Variants in UBR2 observed in about 807,000 individuals in gnomAD.
UBR2 encodes ubiquitin protein ligase E3 component n-recognin 2.
UBR2 carries 92 observed loss-of-function variants against 247.9 expected under a neutral mutation model. The ratio of observed to expected loss-of-function variants is 0.37; its 90% CI spans 0.31 to 0.44. The LOEUF (loss-of-function observed/expected upper bound fraction) is 0.44, where lower values mean the gene tolerates loss of function less well. UBR2 is among the 20% of genes least tolerant of loss of function. The pLI, the probability that UBR2 is intolerant of heterozygous loss-of-function variation, is 1.00. For synonymous variants in UBR2, 672 were observed against 693.5 expected (o/e 0.97, Z 0.49); for missense variants, 1,613 against 2,112.6 (o/e 0.76, Z 4.64).
At chr6:42,648,524 G>A (rs1250824872) in intron 22 of UBR2, among the ~76,000 whole-genome samples, 1 of 152,162 alleles carries the variant, frequency 6.6e-6, no homozygotes, top group Non-Finnish European at 1.5e-5. Context: ...TAAATTGTGG[G>A]ATAGCCTCTC....
intron 1 of UBR2, among the ~76,000 whole-genome samples, chr6:42,573,472 A>G (rs1175480190): frequency 6.6e-6 from 1 of 152,220 alleles, no homozygotes; most frequent in African/African-American, 2.4e-5. Context: ...GGTACTGCCT[A>G]GAGAAGATTG....
chr6:42,639,698 T>A (rs956601482), intron 15 of UBR2, among the ~76,000 whole-genome samples: 1 of 152,236 alleles, frequency 6.6e-6, no homozygotes, highest in African/African-American at 2.4e-5. Context: ...TGCTATACTT[T>A]AAATGGGAAC....
intron 32 of UBR2, among the ~76,000 whole-genome samples, 173 bp downstream of exon 32, chr6:42,663,592 A>G (rs1348838091): frequency 2.6e-5 from 4 of 152,202 alleles, no homozygotes. Flanking sequence ...TTTAGTTTTT[A>G]GAGAGGAACA....
At chr6:42,603,897 C>T (rs551574054) in intron 5 of UBR2, among the ~76,000 whole-genome samples, 179 bp downstream of exon 5, 138 of 152,150 alleles carry the variant, frequency 9.1e-4, no homozygotes, top group African/African-American at 3.1e-3. Context: ...GTTTGGTTGG[C>T]TGGTTGGTTG....
intron 11 of UBR2, among the ~76,000 whole-genome samples, chr6:42,631,384 G>GGAGGGCATGA (rs1236456145): frequency 6.6e-6 from 1 of 152,166 alleles, no homozygotes; most frequent in African/African-American, 2.4e-5. Context: ...ATTGTGTTAT[G>GGAGGGCATGA]GAGGGCATGA....
intron 30 of UBR2, among the ~76,000 whole-genome samples, chr6:42,661,903 G>T (rs1797836167): frequency 6.6e-6 from 1 of 152,202 alleles, no homozygotes; most frequent in African/African-American, 2.4e-5. Context: ...CTGAAAGTGT[G>T]AAATGTTCAA....
At chr6:42,632,113 C>G (rs1256980633) in intron 11 of UBR2, among the ~76,000 whole-genome samples, 3 of 145,622 alleles carry the variant, frequency 2.1e-5, no homozygotes, top group African/African-American at 7.6e-5. Flanking sequence ...CACACACACA[C>G]AAACAAAAAA....
chr6:42,661,637 C>A (rs1413147598), intron 30 of UBR2, among the ~76,000 whole-genome samples: 5 of 152,158 alleles, frequency 3.3e-5, no homozygotes, highest in Non-Finnish European at 7.3e-5. Flanking sequence ...CTCTGAATTA[C>A]CTTTTTTCCC....
chr6:42,573,416 C>T (rs1448287514), intron 1 of UBR2, among the ~76,000 whole-genome samples: 1 of 152,150 alleles, frequency 6.6e-6, no homozygotes, highest in Non-Finnish European at 1.5e-5. Context: ...ATTAGGTGAG[C>T]TCAATGGTTC....
chr6:42,631,803 T>A (rs1294055531), intron 11 of UBR2, among the ~76,000 whole-genome samples: 2 of 148,258 alleles, frequency 1.3e-5, no homozygotes, highest in Non-Finnish European at 3.0e-5. Context: ...TAATACACAC[T>A]TTATGTATTT....
chr6:42,676,915 G>GCTATCATCAT, intron 40 of UBR2, 42 bp downstream of exon 40: 3 of 1,451,676 alleles, frequency 2.1e-6, no homozygotes, highest in Non-Finnish European at 2.9e-6. Context: ...CCTAAATATT[G>GCTATCATCAT]CTAGATGATG....
intron 45 of UBR2, 116 bp downstream of exon 45, chr6:42,688,502 A>G: frequency 8.0e-7 from 1 of 1,246,724 alleles, no homozygotes; most frequent in South Asian, 1.4e-5. Flanking sequence ...CGTGTGATTC[A>G]TTCCAGAAAC....
At chr6:42,673,281 G>GT (rs1319433514) in intron 36 of UBR2, among the ~76,000 whole-genome samples, 5 of 152,144 alleles carry the variant, frequency 3.3e-5, no homozygotes, top group Non-Finnish European at 7.3e-5. Flanking sequence ...TAGGGTATCT[G>GT]TTTAGGATAA....
rs1207066105 is a variant in UBR2, at chr6:42,678,611, G to A, written c.4551G>A (p.Lys1517=). The A allele has an allele frequency of 6.2e-7, 1 of 1,613,876 alleles. No homozygotes were observed. Among genetic ancestry groups the A allele is most frequent in the South Asian group, 1.1e-5 (1 of 91,040 alleles). Residue 1517 remains lysine (K), a synonymous_variant, in exon 41 of 47, where the codon AAG becomes AAA. Transcript: ENST00000372901. ...GAGCTGGAATCATGCCTTTCCTGAA[G>A]TGTTCTGCTTTATTTTTTCATTACT... ...SVRAGIMPFL[K]CSALFFHYLN... is the part of the protein sequence containing the mutation.
chr6:42,595,521 G>A (rs1045967037), intron 4 of UBR2, among the ~76,000 whole-genome samples: 1 of 152,090 alleles, frequency 6.6e-6, no homozygotes, highest in South Asian at 2.1e-4. Context: ...CAAGGCGGGT[G>A]GATCACTTTA....
intron 5 of UBR2, 130 bp downstream of exon 5, chr6:42,603,848 T>C: frequency 1.0e-6 from 1 of 971,162 alleles, no homozygotes; most frequent in East Asian, 3.1e-5. Context: ...TTTTATAGTT[T>C]TAAAACGTGA....
chr6:42,687,311 C>T (rs981544961), intron 44 of UBR2, among the ~76,000 whole-genome samples: 4 of 152,184 alleles, frequency 2.6e-5, no homozygotes, highest in South Asian at 2.1e-4. Flanking sequence ...GGCGAAACCC[C>T]GTCTCCACCA....
chr6:42,588,698 T>C (rs1280543526), intron 2 of UBR2, among the ~76,000 whole-genome samples: 2 of 152,194 alleles, frequency 1.3e-5, no homozygotes, highest in East Asian at 3.9e-4. Context: ...AAAGTTTTTA[T>C]AATAAAGAGC....
intron 15 of UBR2, among the ~76,000 whole-genome samples, chr6:42,639,920 C>T (rs112509505): frequency 0.015 from 2,250 of 152,112 alleles, 43 homozygotes; most frequent in African/African-American, 0.053. Flanking sequence ...CCCAGCTACT[C>T]GGGAGGCTGA....
Sources: gnomAD v4.1 joint callset for allele counts (sites outside exome capture counted in the v4.1 genomes callset) on GRCh38, gnomAD v4.1.1 for gene constraint, MANE v1.5 for transcripts, NCBI Gene and HGNC (gene_info 2026-07-23, HGNC 2026-07-21) for gene names.